Variants in RNF144A observed in about 807,000 individuals in gnomAD.
RNF144A encodes ring finger protein 144A.
A neutral mutation model predicts 38.7 loss-of-function variants in RNF144A; 11 were observed. That is an observed-to-expected ratio of 0.28 (90% CI 0.18 to 0.47). The LOEUF is 0.47. Ranked by LOEUF, RNF144A falls within the 20% of genes least tolerant of loss-of-function variation. The pLI, the probability that RNF144A is intolerant of heterozygous loss-of-function variation, is 0.99. For missense variants in RNF144A, 316 were observed against 377.2 expected (o/e 0.84, Z 1.34); for synonymous variants, 149 against 143.9 (o/e 1.04, Z -0.25).
chr2:6,951,444 T>G (rs1666672618), intron 2 of RNF144A, among the ~76,000 whole-genome samples: 1 of 152,220 alleles, frequency 6.6e-6, no homozygotes, highest in Non-Finnish European at 1.5e-5. Context: ...TCCTCTGCCC[T>G]CTATAGAGAT....
chr2:7,007,959 C>T (rs1670557893), intron 3 of RNF144A, among the ~76,000 whole-genome samples: 1 of 152,192 alleles, frequency 6.6e-6, no homozygotes. Context: ...CTCCACCAGC[C>T]CAGCACTGCC....
chr2:6,964,733 C>T (rs1159030920), intron 2 of RNF144A, among the ~76,000 whole-genome samples: 2 of 151,684 alleles, frequency 1.3e-5, no homozygotes, highest in Non-Finnish European at 2.9e-5. Flanking sequence ...AAAAACCAAA[C>T]ACCACATATT....
intron 6 of RNF144A, among the ~76,000 whole-genome samples, chr2:7,061,104 C>A (rs769732653): frequency 6.6e-6 from 1 of 152,154 alleles, no homozygotes. Flanking sequence ...TCTGCTCACC[C>A]CTGACATTTA....
intron 3 of RNF144A, among the ~76,000 whole-genome samples, chr2:7,007,440 G>A (rs116064069): frequency 0.013 from 1,931 of 152,222 alleles, 42 homozygotes; most frequent in African/African-American, 0.044. Context: ...CCTCTCAAGC[G>A]CGTCTGTGCA....
intron 1 of RNF144A, among the ~76,000 whole-genome samples, chr2:6,928,314 A>G (rs1347706707): frequency 6.6e-6 from 1 of 152,190 alleles, no homozygotes; most frequent in Non-Finnish European, 1.5e-5. Flanking sequence ...CTTTGCATCA[A>G]GTTCATTGCC....
intron 2 of RNF144A, among the ~76,000 whole-genome samples, chr2:6,994,993 G>A (rs1669627532): frequency 6.6e-6 from 1 of 152,132 alleles, no homozygotes; most frequent in South Asian, 2.1e-4. Context: ...CCCATCTGCT[G>A]GGTGAGCTTT....
At position 6,998,087 on chromosome 2, in the gene RNF144A, C is replaced by T. The variant is rs559389037; in HGVS notation, c.135+1026C>T. On this transcript the variant is annotated intron_variant, in intron 3 of 8. Coordinates refer to ENST00000320892, the MANE Select transcript of RNF144A (RefSeq NM_014746.6). ...GAAGTATAAAATGGACAGTCTTTAT[C>T]AATTATAACTGAAAAAAGCTGAAAA... 2.0e-5 allele frequency among the ~76,000 whole-genome samples: 3 copies of T among 151,060 alleles called. No homozygotes were observed. In the East Asian group the frequency reaches 5.9e-4, roughly 29 times the overall value.
chr2:7,053,804 C>T (rs1673619801), intron 6 of RNF144A, among the ~76,000 whole-genome samples: 1 of 152,236 alleles, frequency 6.6e-6, no homozygotes, highest in Non-Finnish European at 1.5e-5. Flanking sequence ...CAGGTGCACA[C>T]CTCCACTTGT....
intron 2 of RNF144A, among the ~76,000 whole-genome samples, chr2:6,966,499 G>A (rs1464477125): frequency 2.0e-5 from 3 of 152,244 alleles, no homozygotes; most frequent in Non-Finnish European, 4.4e-5. Context: ...TGAAAAGTCT[G>A]TGCTCTGAGG....
In RNF144A at chr2:7,040,252, A is replaced by AT. The variant is rs550165271; in HGVS notation, c.*500dup. 5.5e-5 allele frequency: 54 copies of AT among 985,286 alleles called. No homozygotes were observed. In the African/African-American group the frequency reaches 7.3e-4, roughly 13 times the overall value. The allele number at this position is 985,286 out of a possible 1,614,324, so 61.0% of individuals were successfully genotyped here. A position where few individuals can be genotyped will look rare whatever the true frequency, so the allele number is the denominator to read the frequency against. On this transcript the variant is annotated 3_prime_UTR_variant, in exon 9 of 9. Coordinates refer to ENST00000320892, the MANE Select transcript of RNF144A (RefSeq NM_014746.6). Reference sequence around the variant, plus strand: ...TTTAGTAAAATCCTTTTTAGAAGGTATTTTTTTTCCAACTGAGTAGTGAAA... The same window carrying AT: ...TTTAGTAAAATCCTTTTTAGAAGGTATTTTTTTTTCCAACTGAGTAGTGAAA...
intron 2 of RNF144A, among the ~76,000 whole-genome samples, chr2:6,946,587 G>A (rs1266346646): frequency 6.6e-6 from 1 of 152,022 alleles, no homozygotes; most frequent in African/African-American, 2.4e-5. Flanking sequence ...AAAATAAGGT[G>A]AAACCTCTTC....
At chr2:6,951,897 C>A (rs984272386) in intron 2 of RNF144A, among the ~76,000 whole-genome samples, 8 of 152,046 alleles carry the variant, frequency 5.3e-5, no homozygotes, top group African/African-American at 1.9e-4. Flanking sequence ...TATAGTTTCT[C>A]TTTCTTGTGA....
In RNF144A at chr2:7,040,396, T is replaced by C. The variant is rs1242041180; in HGVS notation, c.*636T>C. 3 of 985,364 alleles carry C rather than the reference T, an allele frequency of 3.0e-6. No homozygotes were observed. In the African/African-American group the frequency reaches 5.2e-5, roughly 17 times the overall value. 61.0% of individuals were successfully genotyped at this position (985,364 alleles called of 1,614,324 possible). ...CCTTATGCACTCTTTGTGTTTTTCT[T>C]GAAACTTGCTGTAGTAACTTTTTGA... On this transcript the variant is annotated 3_prime_UTR_variant, in exon 9 of 9. Transcript: ENST00000320892.
chr2:7,039,528 A>G (rs550192151), intron 8 of RNF144A, 101 bp from the exon 9 acceptor site: 1 of 1,536,038 alleles, frequency 6.5e-7, no homozygotes, highest in South Asian at 1.3e-5. Context: ...GGGTGGATGG[A>G]TGGATGGATG....
chr2:7,024,815 A>G (rs447031), intron 7 of RNF144A, among the ~76,000 whole-genome samples: 45,420 of 152,084 alleles, frequency 0.3, 7,658 homozygotes, highest in Middle Eastern at 0.4. Context: ...GGGGACTGTC[A>G]TTGTCAGTTT....
chr2:6,946,614 T>C (rs1248860523), intron 2 of RNF144A, among the ~76,000 whole-genome samples: 1 of 152,180 alleles, frequency 6.6e-6, no homozygotes, highest in South Asian at 2.1e-4. Flanking sequence ...AACACAGGGC[T>C]GACCGATTTG....
At chr2:7,034,478 G>A (rs1179492492) in intron 8 of RNF144A, among the ~76,000 whole-genome samples, 1 of 152,152 alleles carries the variant, frequency 6.6e-6, no homozygotes, top group African/African-American at 2.4e-5. Context: ...GCTCGCTTCT[G>A]CCACCTCCTG....
chr2:7,050,135 T>C (rs1673459368), intron 6 of RNF144A, among the ~76,000 whole-genome samples: 1 of 152,224 alleles, frequency 6.6e-6, no homozygotes, highest in Non-Finnish European at 1.5e-5. Context: ...GTTCGGGTCC[T>C]GATATGGTTT....
At position 7,023,957 on chromosome 2, in the gene RNF144A, A is replaced by G. The variant is rs1234877578; in HGVS notation, c.510-412A>G. On this transcript the variant is annotated intron_variant, in intron 6 of 8. Transcript: ENST00000320892. Reference sequence around the variant, plus strand: ...TGCAACATTTATTTATTTTTCTTATAACAGCAAAGTACATAAAATTTATAT... The same window carrying G: ...TGCAACATTTATTTATTTTTCTTATGACAGCAAAGTACATAAAATTTATAT... 2.0e-5 allele frequency among the ~76,000 whole-genome samples: 3 copies of G among 152,224 alleles called. No homozygotes were observed. The East Asian group carries it at 5.8e-4, about 29-fold the overall frequency.
Sources: gnomAD v4.1 joint callset for allele counts (sites outside exome capture counted in the v4.1 genomes callset) on GRCh38, gnomAD v4.1.1 for gene constraint, MANE v1.5 for transcripts, NCBI Gene and HGNC (gene_info 2026-07-23, HGNC 2026-07-21) for gene names.